TENM4: variants seen among roughly 807,000 people sequenced by gnomAD.
TENM4 encodes teneurin-4.
A neutral mutation model predicts 243.3 loss-of-function variants in TENM4; 82 were observed. That is an observed-to-expected ratio of 0.34 (90% confidence interval 0.28 to 0.40). The LOEUF (loss-of-function observed/expected upper bound fraction) is 0.40. TENM4 is among the 10% of genes least tolerant of loss of function. The pLI is 1.00. For synonymous variants in TENM4, 1,412 were observed against 1,456.3 expected (o/e 0.97, Z 0.69); for missense variants, 3,138 against 3,673.3 (o/e 0.85, Z 3.77).
intron 4 of TENM4, among the ~76,000 whole-genome samples, chr11:79,142,805 A>C (rs1311132074): frequency 6.6e-6 from 1 of 152,132 alleles, no homozygotes. Context: ...ATGGAACAGA[A>C]TAGAGAACTC....
chr11:78,677,542 A>G (rs1230080194), intron 29 of TENM4, among the ~76,000 whole-genome samples: 1 of 152,124 alleles, frequency 6.6e-6, no homozygotes, highest in Non-Finnish European at 1.5e-5. Context: ...AGTGTGAGCC[A>G]CCATACCTGG....
intron 2 of TENM4, among the ~76,000 whole-genome samples, chr11:79,260,589 CAGG>C (rs1855779125): frequency 6.6e-6 from 1 of 152,184 alleles, no homozygotes; most frequent in South Asian, 2.1e-4. Flanking sequence ...TCTTCAGGGG[CAGG>C]AGATCTGCCT....
chr11:78,787,193 T>C, intron 15 of TENM4, 110 bp from the exon 16 acceptor site: 1 of 1,318,848 alleles, frequency 7.6e-7, no homozygotes. Context: ...GAGCAAGTTA[T>C]TGTTGGAAAC....
At chr11:78,917,126 C>A (rs1856335626) in intron 6 of TENM4, among the ~76,000 whole-genome samples, 1 of 152,180 alleles carries the variant, frequency 6.6e-6, no homozygotes, top group African/African-American at 2.4e-5. Flanking sequence ...TTTGATAACA[C>A]ACCAGAAGGA....
intron 1 of TENM4, among the ~76,000 whole-genome samples, chr11:79,433,186 A>C (rs563355685): frequency 6.6e-6 from 1 of 152,342 alleles, no homozygotes; most frequent in African/African-American, 2.4e-5. Context: ...AGAGCAGTAG[A>C]TAGCTTGAAA....
intron 3 of TENM4, among the ~76,000 whole-genome samples, chr11:79,207,699 T>C (rs1485098490): frequency 6.6e-6 from 1 of 151,674 alleles, no homozygotes; most frequent in Non-Finnish European, 1.5e-5. Flanking sequence ...ACCCCGTCTC[T>C]ACAGAAAAAT....
rs1469497535 is a variant in TENM4 at position 78,702,054 on chromosome 11, T to C, written c.4559A>G (p.Asn1520Ser). 1.2e-6 allele frequency: 2 copies of C among 1,613,608 alleles called. No individual in the cohort carries two copies. Among genetic ancestry groups the C allele is most frequent in the Admixed American group, 3.3e-5 (2 of 59,972 alleles). The change falls in exon 28 of 34, where the codon AAC becomes AGC. Residue 1520 changes from asparagine to serine, a missense_variant. Physicochemically the swap from Asn to Ser is conservative, Grantham distance 46. This residue lies in a region of TENM4 where 2,467 missense variants were observed against 3,059.1 expected (regional missense o/e 0.81). Coordinates refer to ENST00000278550, the MANE Select transcript of TENM4 (RefSeq NM_001098816.3). The part of the protein sequence containing the change: ...PSGCDCKNDA[N>S]CDCFSGDDGY... ...ATCGTCTCCAGAAAAACAATCACAG[T>C]TGGCATCATTTTTACAGTCACAGCC...
intron 1 of TENM4, among the ~76,000 whole-genome samples, chr11:79,406,282 A>G (rs1858571271): frequency 6.6e-6 from 1 of 152,212 alleles, no homozygotes; most frequent in Non-Finnish European, 1.5e-5. Flanking sequence ...TGTTTCTGGA[A>G]TCAATTTATT....
chr11:79,149,602 G>C (rs984822177), intron 3 of TENM4, among the ~76,000 whole-genome samples: 3 of 152,050 alleles, frequency 2.0e-5, no homozygotes, highest in East Asian at 3.9e-4. Flanking sequence ...ATTGCACTGT[G>C]GTAGGTGAAT....
chr11:78,887,742 T>C (rs1855577859), intron 9 of TENM4, among the ~76,000 whole-genome samples: 1 of 152,212 alleles, frequency 6.6e-6, no homozygotes, highest in African/African-American at 2.4e-5. Flanking sequence ...TGAAGACTAA[T>C]CATGTATTCT....
At chr11:79,066,417 CTTA>C (rs1229838878) in intron 5 of TENM4, among the ~76,000 whole-genome samples, 10 of 152,118 alleles carry the variant, frequency 6.6e-5, no homozygotes, top group African/African-American at 9.7e-5. Flanking sequence ...GAGACGCCAT[CTTA>C]TTATAATGGT....
intron 2 of TENM4, among the ~76,000 whole-genome samples, chr11:79,231,938 G>A (rs1269542634): frequency 2.6e-5 from 4 of 152,182 alleles, no homozygotes; most frequent in African/African-American, 9.7e-5. Flanking sequence ...AAATTAGCCA[G>A]GCGTGGTAGC....
intron 14 of TENM4, among the ~76,000 whole-genome samples, chr11:78,809,608 T>C (rs1857455942): frequency 6.6e-6 from 1 of 152,116 alleles, no homozygotes; most frequent in Non-Finnish European, 1.5e-5. Flanking sequence ...CCCAAGGAGC[T>C]GTGTGTAAAG....
At chr11:79,107,720 G>A (rs1366407690) in intron 4 of TENM4, among the ~76,000 whole-genome samples, 1 of 152,248 alleles carries the variant, frequency 6.6e-6, no homozygotes, top group Non-Finnish European at 1.5e-5. Flanking sequence ...AGGCATGGAT[G>A]TGTCTAATGC....
At chr11:79,050,708 T>C (rs948683559) in intron 6 of TENM4, among the ~76,000 whole-genome samples, 2 of 152,226 alleles carry the variant, frequency 1.3e-5, no homozygotes, top group Non-Finnish European at 2.9e-5. Context: ...ACAAACTAAG[T>C]ACAGCAAACT....
chr11:79,297,180 C>G (rs139571505), intron 2 of TENM4, among the ~76,000 whole-genome samples: 2 of 152,272 alleles, frequency 1.3e-5, no homozygotes, highest in African/African-American at 4.8e-5. Context: ...GCAGCATGGA[C>G]CAGTTTTCAA....
chr11:79,318,682 T>C (rs1378509070), intron 1 of TENM4, among the ~76,000 whole-genome samples: 1 of 152,198 alleles, frequency 6.6e-6, no homozygotes, highest in Non-Finnish European at 1.5e-5. Flanking sequence ...TATAATGTAG[T>C]AAAATAACCA....
intron 4 of TENM4, chr11:79,098,053 A>G (rs1861127251): frequency 6.6e-6 from 1 of 152,188 alleles, no homozygotes; most frequent in Non-Finnish European, 1.5e-5. Context: ...TTATCCCATA[A>G]CTAATGAAGA....
Position 78,669,696 on chromosome 11 carries a change from A to C in TENM4, c.6649T>G (p.Tyr2217Asp), listed in dbSNP as rs1393746128. The change falls in exon 32 of 34, where the codon TAC (tyrosine) becomes GAC (aspartate). Residue 2217 changes from tyrosine (Y) to aspartate (D), a missense_variant. Physicochemically the swap from Tyr to Asp is radical, Grantham distance 160. This residue lies in a region of TENM4 where 2,467 missense variants were observed against 3,059.1 expected (regional missense o/e 0.81). Coordinates refer to ENST00000278550, the MANE Select transcript of TENM4 (RefSeq NM_001098816.3). The surrounding 1 kb of genome is among the most constrained non-coding windows in gnomAD (Gnocchi z 6.4). The stretch of plus-strand genomic sequence containing the variant: ...AAGTGCAGGTTCCCATTGAGGTCGT[A>C]GCTGTAGCGCCAGAGTGGCTTGTCA... ...INDKPLWRYS[Y>D]DLNGNLHLLS... 6.2e-7 allele frequency: 1 copy of C among 1,613,874 alleles called. No homozygotes were observed. Among genetic ancestry groups the C allele is most frequent in the Non-Finnish European group, 8.5e-7 (1 of 1,179,904 alleles).
Sources: gnomAD v4.1 joint callset for allele counts (sites outside exome capture counted in the v4.1 genomes callset) on GRCh38, gnomAD v4.1.1 for gene constraint, gnomAD v4.1.1 regional missense constraint, Gnocchi (gnomAD v3.1) non-coding constraint, MANE v1.5 for transcripts, NCBI Gene and HGNC (gene_info 2026-07-23, HGNC 2026-07-21) for gene names.